The following TAX1BP3 variants were observed in gnomAD, a reference collection of about 807,000 sequenced individuals.
TAX1BP3 encodes the protein Tax1 binding protein 3.
In TAX1BP3, 13 loss-of-function variants were observed where a neutral mutation model predicts 15.3. The ratio of observed to expected loss-of-function variants is 0.85; its 90% CI spans 0.55 to 1.35. The LOEUF (loss-of-function observed/expected upper bound fraction) is 1.35, where lower values mean the gene tolerates loss of function less well. TAX1BP3 is among the 40% of genes most tolerant of loss of function. TAX1BP3 has a pLI of 0.00. For missense variants in TAX1BP3, 147 were observed against 169.6 expected, an observed-to-expected ratio of 0.87 and a Z score of 0.74; for synonymous variants, 70 against 66.0, an observed-to-expected ratio of 1.06 and a Z score of -0.30.
In TAX1BP3 at chr17:3,667,162, G is replaced by A. The variant is rs200157999; in HGVS notation, c.39+1326C>T. ...AGTTCAAGACAAGCCTGGCCAACAT[G>A]GTGAAACCCCGTTCTACTAAAAATA... On this transcript the variant is annotated intron_variant, in intron 1 of 3. Coordinates refer to ENST00000225525, the MANE Select transcript of TAX1BP3 (RefSeq NM_014604.4). Among the ~76,000 whole-genome samples the A allele has an allele frequency of 1.6e-4, 25 of 152,058 alleles. No individual in the cohort carries two copies. In the East Asian group the frequency reaches 4.6e-3, roughly 28 times the overall value.
Position 3,663,664 on chromosome 17 carries a change from G to C in TAX1BP3, c.*84C>G. On this transcript the variant is annotated 3_prime_UTR_variant, in exon 4 of 4. Transcript: ENST00000225525. ...CTTCTGAGCTGGGGCCCAGCGGTCA[G>C]CAGAAGCCAGATGGGGACAGAGTGT... 1.3e-6 allele frequency: 2 copies of C among 1,516,448 alleles called. No homozygotes were observed. Among genetic ancestry groups the C allele is most frequent in the Non-Finnish European group, 1.8e-6 (2 of 1,132,482 alleles). The allele number at this position is 1,516,448 out of a possible 1,614,324, so 93.9% of individuals were successfully genotyped here. A position where few individuals can be genotyped will look rare whatever the true frequency, so the allele number is the denominator to read the frequency against.
Position 3,663,593 on chromosome 17 carries a change from A to C in TAX1BP3, c.*155T>G. 8.9e-6 allele frequency: 10 copies of C among 1,129,890 alleles called. No individual in the cohort carries two copies. Among genetic ancestry groups the C allele is most frequent in the Non-Finnish European group, 1.2e-5 (10 of 841,798 alleles). The allele number at this position is 1,129,890 out of a possible 1,614,324, so 70.0% of individuals were successfully genotyped here. A position where few individuals can be genotyped will look rare whatever the true frequency, so the allele number is the denominator to read the frequency against. ...CCAGAGGCCCCAGGCCAGGGATGGGAGAAGGGAAGGAAGGCCAGGCCAGGC... is the reference window on the plus strand; with the variant it reads ...CCAGAGGCCCCAGGCCAGGGATGGGCGAAGGGAAGGAAGGCCAGGCCAGGC... On this transcript the variant is annotated 3_prime_UTR_variant, in exon 4 of 4. Coordinates refer to ENST00000225525, the MANE Select transcript of TAX1BP3 (RefSeq NM_014604.4).
chr17:3,667,674 C>T (rs773861896), intron 1 of TAX1BP3, among the ~76,000 whole-genome samples: 19 of 152,214 alleles, frequency 1.2e-4, no homozygotes, highest in Non-Finnish European at 2.4e-4. Flanking sequence ...CTGAGGTGGT[C>T]TTTTCTGGCT....
chr17:3,664,108 C>G, intron 3 of TAX1BP3, 87 bp downstream of exon 3: 1 of 1,564,068 alleles, frequency 6.4e-7, no homozygotes, highest in Non-Finnish European at 8.8e-7. Flanking sequence ...TCTCTCCCAG[C>G]TGGGAGGCTG....
intron 1 of TAX1BP3, 123 bp from the exon 2 acceptor site, chr17:3,664,921 G>T (rs1459644321): frequency 3.6e-6 from 5 of 1,395,382 alleles, no homozygotes; most frequent in Admixed American, 2.2e-5. Context: ...CAGGAATCCA[G>T]CTGCTCACCA....
rs201952062 is a variant in TAX1BP3 at position 3,668,533 on chromosome 17, C to G, written c.-7G>C. On this transcript the variant is annotated 5_prime_UTR_variant, in exon 1 of 4. Transcript: ENST00000225525. This position sits in a 1 kb window ranked among gnomAD's most constrained non-coding sequence, Gnocchi z 4.1. ...GGCCCGGGATGTAGGACATCTCGAC[C>G]CTGCTCTGGTCGCCCAGCGCCGCTC... 4.4e-6 allele frequency: 7 copies of G among 1,604,584 alleles called. No individual in the cohort carries two copies. In the East Asian group the frequency reaches 6.8e-5, roughly 16 times the overall value.
In TAX1BP3 at chr17:3,664,137, A is replaced by G; in HGVS notation, c.237+58T>C. The stretch of plus-strand genomic sequence containing the variant: ...GAGGCTGGGGCAGCTCCCCACCCCC[A>G]AGTGCTTCAGACCTGCTTGCCCAAA... On this transcript the variant is annotated intron_variant, in intron 3 of 3. Transcript: ENST00000225525. 1.9e-6 allele frequency: 3 copies of G among 1,605,946 alleles called. 1 individual carries two copies. In the South Asian group the frequency reaches 3.3e-5, roughly 18 times the overall value.
Position 3,668,409 on chromosome 17 carries a change from C to A in TAX1BP3, c.39+79G>T, listed in dbSNP as rs1597679645. The stretch of plus-strand genomic sequence containing the variant: ...AGCCCCGGGTTCGATGCTCTGTCAA[C>A]CTGCTTGGGGTGTCCGTTTCCCGCT... On this transcript the variant is annotated intron_variant, in intron 1 of 3. Transcript: ENST00000225525. This position sits in a 1 kb window ranked among gnomAD's most constrained non-coding sequence, Gnocchi z 4.1. The A allele has an allele frequency of 1.9e-6, 3 of 1,543,914 alleles. No homozygotes were observed. The highest frequency in any genetic ancestry group is 2.4e-5 in the East Asian group (1 of 42,234).
chr17:3,665,106 G>T, intron 1 of TAX1BP3: 1 of 713,396 alleles, frequency 1.4e-6, no homozygotes, highest in East Asian at 2.7e-5. Context: ...TTCTGTAGGT[G>T]GGAAGCCCGT....
At chr17:3,665,796 G>C in intron 1 of TAX1BP3, 1 of 646,040 alleles carries the variant, frequency 1.5e-6, no homozygotes, top group Non-Finnish European at 2.7e-6. Flanking sequence ...CCGGCCACGG[G>C]GACCAGCGCA....
intron 1 of TAX1BP3, among the ~76,000 whole-genome samples, chr17:3,667,069 T>C (rs1169920890): frequency 6.6e-6 from 1 of 151,694 alleles, no homozygotes; most frequent in African/African-American, 2.4e-5. Context: ...CTGGGCCGGG[T>C]GTGGTGCCTC....
At position 3,668,383 on chromosome 17, in the gene TAX1BP3, G is replaced by A; in HGVS notation, c.39+105C>T. The A allele has an allele frequency of 1.4e-6, 2 of 1,414,416 alleles. No homozygotes were observed. Among genetic ancestry groups the A allele is most frequent in the African/African-American group, 1.5e-5 (1 of 68,224 alleles). 87.6% of individuals were successfully genotyped at this position (1,414,416 alleles called of 1,614,324 possible). A position where few individuals can be genotyped will look rare whatever the true frequency, so the allele number is the denominator to read the frequency against. The stretch of plus-strand genomic sequence containing the variant: ...CCGAGCCCTTGCCGCCGGTTCGCAG[G>A]AGCCCCGGGTTCGATGCTCTGTCAA... On this transcript the variant is annotated intron_variant, in intron 1 of 3. Coordinates refer to ENST00000225525, the MANE Select transcript of TAX1BP3 (RefSeq NM_014604.4). This position sits in a 1 kb window ranked among gnomAD's most constrained non-coding sequence, Gnocchi z 4.1.
intron 2 of TAX1BP3, 188 bp downstream of exon 2, chr17:3,664,491 G>A: frequency 1.0e-6 from 1 of 974,654 alleles, no homozygotes; most frequent in Non-Finnish European, 1.6e-6. Flanking sequence ...CTCCTCCTGG[G>A]CTCTGTCTGA....
At position 3,664,560 on chromosome 17, in the gene TAX1BP3, TAGAG is replaced by T. The variant is rs776995134; in HGVS notation, c.159+115_159+118del. The T allele has an allele frequency of 6.7e-5, 95 of 1,417,542 alleles. 1 individual carries two copies. Among genetic ancestry groups the T allele is most frequent in the East Asian group, 1.2e-4 (5 of 43,354 alleles). The allele number at this position is 1,417,542 out of a possible 1,614,324, so 87.8% of individuals were successfully genotyped here. A position where few individuals can be genotyped will look rare whatever the true frequency, so the allele number is the denominator to read the frequency against. On this transcript the variant is annotated intron_variant, in intron 2 of 3. Coordinates refer to ENST00000225525, the MANE Select transcript of TAX1BP3 (RefSeq NM_014604.4). ...CACTAGGTCACTTCCGATGCCTTCTTAGAGAGCATGGTTTGAGAGATGAAGTCTG... is the reference window on the plus strand; with the variant it reads ...CACTAGGTCACTTCCGATGCCTTCTTAGCATGGTTTGAGAGATGAAGTCTG...
At position 3,668,570 on chromosome 17, in the gene TAX1BP3, C is replaced by T. The variant is rs113690285; in HGVS notation, c.-44G>A. On this transcript the variant is annotated 5_prime_UTR_variant, in exon 1 of 4. Transcript: ENST00000225525. This position sits in a 1 kb window ranked among gnomAD's most constrained non-coding sequence, Gnocchi z 4.1. ...GCCCAGCGCCGCTCCGAGAAGCCGG[C>T]AGCAGAGTACCCGCGGTCGCGCCCT... 842 of 1,574,326 alleles carry T rather than the reference C, an allele frequency of 5.3e-4. 3 individuals carry two copies. Among genetic ancestry groups the T allele is most frequent in the Middle Eastern group, 3.4e-3 (20 of 5,898 alleles).
rs763406119 is a variant in TAX1BP3, at chr17:3,663,701, T to TA, written c.*46dup. The TA allele has an allele frequency of 3.2e-6, 5 of 1,574,222 alleles. No individual in the cohort carries two copies. Among genetic ancestry groups the TA allele is most frequent in the African/African-American group, 1.3e-5 (1 of 74,560 alleles). ...TGGGGACAGAGTGTGGAAGTGGCGTTACTGTACAGAGAGGCGGCAGGCAGG... is the reference window on the plus strand; with the variant it reads ...TGGGGACAGAGTGTGGAAGTGGCGTTAACTGTACAGAGAGGCGGCAGGCAGG... On this transcript the variant is annotated 3_prime_UTR_variant, in exon 4 of 4. Transcript: ENST00000225525.
Position 3,663,658 on chromosome 17 carries a change from C to T in TAX1BP3, c.*90G>A, listed in dbSNP as rs535043308. 4.6e-4 allele frequency: 693 copies of T among 1,500,450 alleles called. 10 individuals carry two copies. In the South Asian group the frequency reaches 6.7e-3, roughly 15 times the overall value. The allele number at this position is 1,500,450 out of a possible 1,614,324, so 92.9% of individuals were successfully genotyped here. On this transcript the variant is annotated 3_prime_UTR_variant, in exon 4 of 4. Coordinates refer to ENST00000225525, the MANE Select transcript of TAX1BP3 (RefSeq NM_014604.4). ...ATAGCCCTTCTGAGCTGGGGCCCAG[C>T]GGTCAGCAGAAGCCAGATGGGGACA...
In TAX1BP3 at chr17:3,667,600, G is replaced by A. The variant is rs993625397; in HGVS notation, c.39+888C>T. ...ACTTTCGCTTGACCTACTGCCCACC[G>A]GGCAGGCATTTCTTCTCATTCTCTG... On this transcript the variant is annotated intron_variant, in intron 1 of 3. Coordinates refer to ENST00000225525, the MANE Select transcript of TAX1BP3 (RefSeq NM_014604.4). Among the ~76,000 whole-genome samples the A allele has an allele frequency of 3.5e-4, 53 of 152,164 alleles. 2 individuals are homozygous for A. The highest frequency in any genetic ancestry group is 3.9e-4 in the Admixed American group (6 of 15,280).
At chr17:3,666,958 G>A (rs2076345881) in intron 1 of TAX1BP3, among the ~76,000 whole-genome samples, 1 of 152,182 alleles carries the variant, frequency 6.6e-6, no homozygotes, top group Non-Finnish European at 1.5e-5. Context: ...CACGCAGAAG[G>A]TGGCTTGCTG....
Sources: allele counts gnomAD v4.1 joint callset (sites outside exome capture counted in the v4.1 genomes callset), GRCh38; gene constraint gnomAD v4.1.1; non-coding constraint Gnocchi (gnomAD v3.1); transcripts MANE v1.5; gene names NCBI Gene and HGNC (gene_info 2026-07-23, HGNC 2026-07-21).